The following LRP1B variants were observed in gnomAD, a reference collection of about 807,000 sequenced individuals.
The protein encoded by LRP1B is low-density lipoprotein receptor-related protein 1B.
A neutral mutation model predicts 556.6 loss-of-function variants in LRP1B; 217 were observed. The ratio of observed to expected loss-of-function variants is 0.39; its 90% CI spans 0.35 to 0.44. The LOEUF (loss-of-function observed/expected upper bound fraction) is 0.44, where lower values mean the gene tolerates loss of function less well. Ranked by LOEUF, LRP1B falls within the 20% of genes least tolerant of loss-of-function variation. The pLI is 1.00. For synonymous variants in LRP1B, 2,047 were observed against 1,865.8 expected (o/e 1.10, Z -2.50); for missense variants, 5,053 against 5,620.8 (o/e 0.90, Z 3.23).
intron 1 of LRP1B, among the ~76,000 whole-genome samples, chr2:141,923,446 A>ATG (rs56356725): frequency 0.015 from 1,239 of 81,638 alleles, 41 homozygotes; most frequent in African/African-American, 0.046. Context: ...TTATATATAT[A>ATG]TGTGTGTGTG....
chr2:140,410,573 GAATTT>G (rs1255993224), intron 66 of LRP1B, among the ~76,000 whole-genome samples: 6 of 152,046 alleles, frequency 3.9e-5, no homozygotes, highest in Non-Finnish European at 8.8e-5. Context: ...TGCTTGAGCT[GAATTT>G]AATATGAGAA....
In LRP1B at chr2:140,495,545, G is replaced by C. The variant is rs1426545688; in HGVS notation, c.9034+20C>G. Reference sequence around the variant, plus strand: ...TATGTATAACTGAGGTTGGATCAGTGGGCAAGTTCAATTCGATACCTGAGA... The same window carrying C: ...TATGTATAACTGAGGTTGGATCAGTCGGCAAGTTCAATTCGATACCTGAGA... On this transcript the variant is annotated intron_variant, in intron 56 of 90. Coordinates refer to ENST00000389484, the MANE Select transcript of LRP1B (RefSeq NM_018557.3). The C allele has an allele frequency of 1.9e-6, 3 of 1,555,010 alleles. No individual in the cohort carries two copies. Among genetic ancestry groups the C allele is most frequent in the Middle Eastern group, 1.7e-4 (1 of 5,846 alleles).
intron 3 of LRP1B, among the ~76,000 whole-genome samples, chr2:141,420,788 T>C (rs1185668122): frequency 6.6e-6 from 1 of 152,204 alleles, no homozygotes; most frequent in Non-Finnish European, 1.5e-5. Flanking sequence ...ACTCTTCTTG[T>C]TTCTAAGTGG....
intron 7 of LRP1B, among the ~76,000 whole-genome samples, chr2:141,141,463 G>A (rs1338535577): frequency 6.6e-6 from 1 of 152,080 alleles, no homozygotes; most frequent in East Asian, 1.9e-4. Context: ...TCTTTTTAAA[G>A]GATTTATTCA....
At chr2:141,185,687 C>CAAAAA (rs111914547) in intron 7 of LRP1B, among the ~76,000 whole-genome samples, 15 of 132,168 alleles carry the variant, frequency 1.1e-4, no homozygotes, top group East Asian at 4.5e-4. Context: ...AACAAACAAA[C>CAAAAA]AAAAAAAAAC....
At chr2:141,186,058 G>A (rs1423927953) in intron 7 of LRP1B, among the ~76,000 whole-genome samples, 2 of 104,742 alleles carry the variant, frequency 1.9e-5, no homozygotes, top group Non-Finnish European at 3.4e-5. Context: ...CAGCTTGAGC[G>A]ATAGAACGAG....
At chr2:141,325,109 T>C (rs936660246) in intron 3 of LRP1B, among the ~76,000 whole-genome samples, 11 of 151,616 alleles carry the variant, frequency 7.3e-5, no homozygotes, top group Non-Finnish European at 1.5e-4. Flanking sequence ...TAAATTTAGA[T>C]AAAATGTTAA....
chr2:140,698,384 AAT>A (rs1349610272), intron 41 of LRP1B, among the ~76,000 whole-genome samples: 1 of 152,118 alleles, frequency 6.6e-6, no homozygotes, highest in Non-Finnish European at 1.5e-5. Context: ...AATATTTATC[AAT>A]GTTTTTAAAG....
At chr2:140,822,603 G>T (rs1489095928) in intron 31 of LRP1B, among the ~76,000 whole-genome samples, 2 of 152,218 alleles carry the variant, frequency 1.3e-5, no homozygotes, top group South Asian at 4.1e-4. Context: ...GCTAAGAGGT[G>T]AAATTGGTTC....
intron 2 of LRP1B, among the ~76,000 whole-genome samples, chr2:141,647,397 C>T (rs775166296): frequency 6.6e-6 from 1 of 152,150 alleles, no homozygotes; most frequent in Non-Finnish European, 1.5e-5. Context: ...TTGTTTAAGT[C>T]ACTGAGTGTT....
At chr2:141,058,328 C>T (rs564591456) in intron 9 of LRP1B, among the ~76,000 whole-genome samples, 1 of 151,864 alleles carries the variant, frequency 6.6e-6, no homozygotes, top group African/African-American at 2.4e-5. Flanking sequence ...TTTATATTCT[C>T]TTTTTTTATG....
intron 7 of LRP1B, among the ~76,000 whole-genome samples, chr2:141,185,971 C>T (rs1474883871): frequency 1.4e-5 from 2 of 146,690 alleles, no homozygotes; most frequent in Non-Finnish European, 3.0e-5. Context: ...CCCAGCTACT[C>T]AGGAGGCTGA....
chr2:140,274,345 GT>G, intron 85 of LRP1B, 78 bp downstream of exon 85: 3 of 1,290,118 alleles, frequency 2.3e-6, no homozygotes, highest in Non-Finnish European at 2.2e-6. Flanking sequence ...AATCTACAAA[GT>G]TTTTACTATT....
intron 7 of LRP1B, among the ~76,000 whole-genome samples, chr2:141,161,842 A>G (rs1680047422): frequency 6.6e-6 from 1 of 152,014 alleles, no homozygotes. Flanking sequence ...GTCTACCCCT[A>G]CGTTGTCCCT....
intron 35 of LRP1B, among the ~76,000 whole-genome samples, chr2:140,750,991 C>CTT (rs562658619): frequency 9.2e-5 from 9 of 98,092 alleles, no homozygotes; most frequent in African/African-American, 1.9e-4. Context: ...CTTTTTTTTT[C>CTT]TTTTTTTTTT....
At chr2:140,558,350 A>T (rs1281357488) in intron 43 of LRP1B, among the ~76,000 whole-genome samples, 2 of 152,184 alleles carry the variant, frequency 1.3e-5, no homozygotes, top group African/African-American at 4.8e-5. Flanking sequence ...AGTAGAAATA[A>T]CTCAAATGTC....
chr2:141,548,079 G>C (rs1433165612), intron 2 of LRP1B, among the ~76,000 whole-genome samples: 1 of 152,124 alleles, frequency 6.6e-6, no homozygotes, highest in African/African-American at 2.4e-5. Flanking sequence ...TTACCCAGGG[G>C]AGGCCTGTAT....
intron 5 of LRP1B, among the ~76,000 whole-genome samples, chr2:141,237,749 C>A (rs1346055648): frequency 6.6e-6 from 1 of 152,080 alleles, no homozygotes; most frequent in East Asian, 1.9e-4. Context: ...ACAATAACAT[C>A]ATGCCCTCCC....
intron 41 of LRP1B, among the ~76,000 whole-genome samples, chr2:140,661,348 G>A (rs1685084502): frequency 6.6e-6 from 1 of 151,760 alleles, no homozygotes; most frequent in Admixed American, 6.6e-5. Flanking sequence ...TGAGACTATG[G>A]GTCCACAGAG....
Sources: gnomAD v4.1 joint callset for allele counts (sites outside exome capture counted in the v4.1 genomes callset) on GRCh38, gnomAD v4.1.1 for gene constraint, MANE v1.5 for transcripts, NCBI Gene and HGNC (gene_info 2026-07-23, HGNC 2026-07-21) for gene names.